Variants in TNFRSF9 observed in about 807,000 individuals in gnomAD.
TNFRSF9 encodes the protein TNF receptor superfamily member 9.
A neutral mutation model predicts 28.8 loss-of-function variants in TNFRSF9; 16 were observed. That is an observed-to-expected ratio of 0.55 (90% CI 0.38 to 0.84). The LOEUF (loss-of-function observed/expected upper bound fraction) is 0.84, where lower values mean the gene tolerates loss of function less well. Ranked by LOEUF, TNFRSF9 falls within the 40% of genes least tolerant of loss-of-function variation. The pLI is 0.00. For missense variants in TNFRSF9, 303 were observed against 315.0 expected (o/e 0.96, Z 0.29); for synonymous variants, 131 against 117.0 (o/e 1.12, Z -0.77).
chr1:7,935,701 T>A (rs753535681), intron 5 of TNFRSF9, among the ~76,000 whole-genome samples: 1 of 152,124 alleles, frequency 6.6e-6, no homozygotes, highest in Non-Finnish European at 1.5e-5. Flanking sequence ...TGATGGTGCA[T>A]GCCTGTGGCC....
intron 2 of TNFRSF9, 85 bp downstream of exon 2, chr1:7,939,810 G>T: frequency 1.0e-6 from 1 of 962,324 alleles, no homozygotes; most frequent in Non-Finnish European, 1.5e-6. Context: ...TCCTTAAAAG[G>T]GAGCTCGTTA....
At position 7,920,635 on chromosome 1, in the gene TNFRSF9, A is replaced by T; in HGVS notation, c.*200T>A. On this transcript the variant is annotated 3_prime_UTR_variant, in exon 8 of 8. Transcript: ENST00000377507. ...CACTGCACTCCAGCCTGGGTGACAGAGTGAGACCCTGTCAAAAAAAAAAAA... is the reference window on the plus strand; with the variant it reads ...CACTGCACTCCAGCCTGGGTGACAGTGTGAGACCCTGTCAAAAAAAAAAAA... 1 of 506,432 alleles carries T rather than the reference A, an allele frequency of 2.0e-6. No individual in the cohort carries two copies. The highest frequency in any genetic ancestry group is 3.5e-6 in the Non-Finnish European group (1 of 281,904). 31.4% of individuals were successfully genotyped at this position (506,432 alleles called of 1,614,324 possible).
intron 6 of TNFRSF9, among the ~76,000 whole-genome samples, chr1:7,933,870 A>C (rs924772284): frequency 1.3e-5 from 2 of 151,910 alleles, no homozygotes; most frequent in Non-Finnish European, 2.9e-5. Flanking sequence ...TACAAAAATT[A>C]GCTGGGTGCC....
At chr1:7,938,887 A>C (rs1639860796) in intron 2 of TNFRSF9, 59 bp from the exon 3 acceptor site, 2 of 1,217,768 alleles carry the variant, frequency 1.6e-6, no homozygotes, top group South Asian at 1.4e-5. Flanking sequence ...CACCCAAGGC[A>C]TTCCGAAGTT....
At position 7,935,134 on chromosome 1, in the gene TNFRSF9, C is replaced by A; in HGVS notation, c.423G>T (p.Leu141Phe). 6.2e-7 allele frequency: 1 copy of A among 1,614,162 alleles called. No homozygotes were observed. The change falls in exon 6 of 8, where the codon TTG becomes TTT. Residue 141 changes from leucine to phenylalanine, a missense_variant. By Grantham distance (22) the Leu-to-Phe change is conservative. Transcript: ENST00000377507. ...GICRPWTNCS[L>F]DGKSVLVNGT... ...CATTCACAAGCACAGACTTTCCATC[C>A]AAAGAACAGCTTAGACAGTTCAATG...
chr1:7,938,765 C>A lies in TNFRSF9; in HGVS notation c.164G>T (p.Ser55Ile). 6.2e-7 allele frequency: 1 copy of A among 1,613,762 alleles called. No individual in the cohort carries two copies. Among genetic ancestry groups the A allele is most frequent in the Non-Finnish European group, 8.5e-7 (1 of 1,179,790 alleles). The change falls in exon 3 of 8, where the codon AGC becomes ATC. Residue 55 changes from serine (S) to isoleucine (I), a missense_variant. Transcript: ENST00000377507. ...GTCACAGGTCCTTTGTCCACCTGCG[C>A]TGGAGAAACTATTTGGAGGACAGGG... ...CSPCPPNSFSSAGGQRTCDIC... is the reference protein window; with the variant it reads ...CSPCPPNSFSIAGGQRTCDIC...
chr1:7,922,476 C>T (rs184787544), intron 7 of TNFRSF9, among the ~76,000 whole-genome samples: 1 of 152,200 alleles, frequency 6.6e-6, no homozygotes, highest in East Asian at 1.9e-4. Flanking sequence ...ACTAGAGAAG[C>T]AGCACTCTAA....
rs777705034 is a variant in TNFRSF9 at position 7,920,794 on chromosome 1, T to C, written c.*41A>G. 7.3e-6 allele frequency: 11 copies of C among 1,512,864 alleles called. No individual in the cohort carries two copies. The highest frequency in any genetic ancestry group is 1.0e-5 in the Non-Finnish European group (11 of 1,088,382). The allele number at this position is 1,512,864 out of a possible 1,614,324, so 93.7% of individuals were successfully genotyped here. A position where few individuals can be genotyped will look rare whatever the true frequency, so the allele number is the denominator to read the frequency against. On this transcript the variant is annotated 3_prime_UTR_variant, in exon 8 of 8. Coordinates refer to ENST00000377507, the MANE Select transcript of TNFRSF9 (RefSeq NM_001561.6). ...TAGCGGATGACTCATATTTCCTTGC[T>C]TCTTTTCAAGAAAGTCCCAACAGCC...
chr1:7,940,321 C>A (rs1639883331), intron 1 of TNFRSF9, among the ~76,000 whole-genome samples: 1 of 152,162 alleles, frequency 6.6e-6, no homozygotes, highest in South Asian at 2.1e-4. Flanking sequence ...TCATGTTCTG[C>A]CAAAATGCAG....
At chr1:7,935,714 AG>A (rs986011852) in intron 5 of TNFRSF9, among the ~76,000 whole-genome samples, 8 of 152,298 alleles carry the variant, frequency 5.3e-5, no homozygotes, top group African/African-American at 1.9e-4. Flanking sequence ...CTGTGGCCCC[AG>A]CTACTCGGGA....
Position 7,917,001 on chromosome 1 carries a change from C to T in TNFRSF9, c.*3834G>A, listed in dbSNP as rs1489452129. The T allele has an allele frequency of 6.6e-6, 1 of 152,184 alleles. No homozygotes were observed. Among genetic ancestry groups the T allele is most frequent in the African/African-American group, 2.4e-5 (1 of 41,430 alleles). The allele number at this position is 152,184 out of a possible 1,614,324, so 9.4% of individuals were successfully genotyped here. On this transcript the variant is annotated 3_prime_UTR_variant, in exon 8 of 8. Coordinates refer to ENST00000377507, the MANE Select transcript of TNFRSF9 (RefSeq NM_001561.6). ...CTGGAGTGCAATGGTACGATCTCGGCTCACTGCAACCTCCGCCCCCCGGGT... is the reference window on the plus strand; with the variant it reads ...CTGGAGTGCAATGGTACGATCTCGGTTCACTGCAACCTCCGCCCCCCGGGT...
chr1:7,932,702 C>T (rs886392407), intron 7 of TNFRSF9, among the ~76,000 whole-genome samples: 11 of 149,968 alleles, frequency 7.3e-5, no homozygotes, highest in East Asian at 2.0e-4. Context: ...CACACACACA[C>T]GCACACACAC....
intron 7 of TNFRSF9, among the ~76,000 whole-genome samples, chr1:7,932,061 C>T (rs572859381): frequency 2.8e-4 from 43 of 152,208 alleles, no homozygotes; most frequent in Middle Eastern, 3.4e-3. Context: ...CGCTTGAACC[C>T]GGAAGGAGGA....
chr1:7,926,970 T>A (rs1369413495), intron 7 of TNFRSF9, among the ~76,000 whole-genome samples: 1 of 152,008 alleles, frequency 6.6e-6, no homozygotes, highest in Non-Finnish European at 1.5e-5. Context: ...ACACCTGTAA[T>A]CCCAGCACTT....
At position 7,933,220 on chromosome 1, in the gene TNFRSF9, C is replaced by T. The variant is rs373493964; in HGVS notation, c.621G>A (p.Thr207=). ...TALLFLLFFL[T]LRFSVVKRGR... is the part of the protein sequence containing the mutation. ...CCCGTTTAACAACAGAGAAACGGAG[C>T]GTGAGGAAGAACAGCAGGAAGAGCA... Residue 207 remains threonine, a synonymous_variant, in exon 7 of 8, where the codon ACG becomes ACA. Transcript: ENST00000377507. 3.1e-6 allele frequency: 5 copies of T among 1,613,794 alleles called. No homozygotes were observed. The highest frequency in any genetic ancestry group is 1.3e-5 in the African/African-American group (1 of 74,950).
intron 7 of TNFRSF9, among the ~76,000 whole-genome samples, chr1:7,927,878 C>T (rs749957444): frequency 2.0e-5 from 3 of 152,102 alleles, no homozygotes; most frequent in Middle Eastern, 6.9e-3. Context: ...GATGAAAAGG[C>T]AAGCTACTGA....
chr1:7,923,478 G>A (rs1012145351), intron 7 of TNFRSF9, among the ~76,000 whole-genome samples: 4 of 152,158 alleles, frequency 2.6e-5, no homozygotes, highest in African/African-American at 4.8e-5. Flanking sequence ...TGGCCGTAAC[G>A]AGCTGCCCAT....
At chr1:7,923,834 C>T (rs1000692394) in intron 7 of TNFRSF9, among the ~76,000 whole-genome samples, 2 of 152,028 alleles carry the variant, frequency 1.3e-5, no homozygotes, top group East Asian at 3.9e-4. Flanking sequence ...CAAGCAAGAC[C>T]CTGACTTCTA....
At chr1:7,933,924 G>C (rs1208926032) in intron 6 of TNFRSF9, among the ~76,000 whole-genome samples, 1 of 152,080 alleles carries the variant, frequency 6.6e-6, no homozygotes, top group Non-Finnish European at 1.5e-5. Context: ...GGCTGAGTCA[G>C]GAGAATCGCT....
Sources: allele counts gnomAD v4.1 joint callset (sites outside exome capture counted in the v4.1 genomes callset), GRCh38; gene constraint gnomAD v4.1.1; transcripts MANE v1.5; gene names NCBI Gene and HGNC (gene_info 2026-07-23, HGNC 2026-07-21).